The following DACH1 variants were observed in gnomAD, a reference collection of about 807,000 sequenced individuals.
The protein encoded by DACH1 is dachshund homolog 1.
DACH1 carries 12 observed loss-of-function variants against 54.2 expected under a neutral mutation model. The ratio of observed to expected loss-of-function variants is 0.22; its 90% CI spans 0.14 to 0.36. DACH1 has a LOEUF of 0.36. DACH1 is among the 10% of genes least tolerant of loss of function. The pLI is 1.00. For synonymous variants in DACH1, 386 were observed against 366.2 expected, an observed-to-expected ratio of 1.05 and a Z score of -0.62; for missense variants, 805 against 929.8, an observed-to-expected ratio of 0.87 and a Z score of 1.75.
At chr13:71,462,769 A>C (rs1323527630) in intron 10 of DACH1, among the ~76,000 whole-genome samples, 3 of 151,918 alleles carry the variant, frequency 2.0e-5, no homozygotes, top group Admixed American at 6.6e-5. Flanking sequence ...CCAAAACATC[A>C]AACAGTGTAA....
intron 10 of DACH1, among the ~76,000 whole-genome samples, chr13:71,452,382 C>T (rs1762964723): frequency 6.6e-6 from 1 of 152,138 alleles, no homozygotes; most frequent in Non-Finnish European, 1.5e-5. Flanking sequence ...CCTGCCTCTG[C>T]TTCCCAAACT....
chr13:71,712,354 T>C (rs1882760153), intron 1 of DACH1, among the ~76,000 whole-genome samples: 2 of 152,060 alleles, frequency 1.3e-5, no homozygotes. Flanking sequence ...AATGATTATG[T>C]CTGGGGTATA....
chr13:71,531,672 A>G (rs1440776118), intron 6 of DACH1, among the ~76,000 whole-genome samples: 2 of 152,048 alleles, frequency 1.3e-5, no homozygotes, highest in Non-Finnish European at 2.9e-5. Flanking sequence ...CCCAATACAC[A>G]TCTGTGGAGA....
intron 1 of DACH1, among the ~76,000 whole-genome samples, chr13:71,815,778 T>TTG (rs1887890979): frequency 6.6e-6 from 1 of 152,184 alleles, no homozygotes; most frequent in Non-Finnish European, 1.5e-5. Flanking sequence ...GTTAACATTT[T>TTG]TGTCAGGTCT....
intron 1 of DACH1, among the ~76,000 whole-genome samples, chr13:71,805,636 C>A (rs1361786588): frequency 2.0e-5 from 3 of 152,064 alleles, no homozygotes; most frequent in Admixed American, 1.3e-4. Context: ...AAATATAGAA[C>A]TGAAATGCAC....
chr13:71,763,531 C>T (rs1885488610), intron 1 of DACH1, among the ~76,000 whole-genome samples: 1 of 114,046 alleles, frequency 8.8e-6, no homozygotes, highest in South Asian at 3.1e-4. Context: ...AAAGCTCTTC[C>T]CTGATTTTTT....
At chr13:71,461,271 C>G (rs1001769357) in intron 10 of DACH1, among the ~76,000 whole-genome samples, 3 of 151,966 alleles carry the variant, frequency 2.0e-5, no homozygotes, top group Non-Finnish European at 2.9e-5. Flanking sequence ...AGATGGCCCT[C>G]AAAATATTAT....
At chr13:71,862,147 C>A (rs966326459) in intron 1 of DACH1, among the ~76,000 whole-genome samples, 1 of 151,842 alleles carries the variant, frequency 6.6e-6, no homozygotes, top group Non-Finnish European at 1.5e-5. Flanking sequence ...TACTTAGAAC[C>A]TACATCACAA....
At chr13:71,779,620 G>GCT (rs1743761289) in intron 1 of DACH1, among the ~76,000 whole-genome samples, 3 of 152,000 alleles carry the variant, frequency 2.0e-5, no homozygotes, top group South Asian at 2.1e-4. Context: ...CATATTGGAA[G>GCT]CTCAAGTGGT....
At chr13:71,516,553 TA>T (rs1028609149) in intron 6 of DACH1, among the ~76,000 whole-genome samples, 4 of 151,898 alleles carry the variant, frequency 2.6e-5, no homozygotes, top group African/African-American at 9.7e-5. Context: ...TCCCCCACCT[TA>T]AAACACATAT....
At chr13:71,844,544 T>G (rs1389002079) in intron 1 of DACH1, among the ~76,000 whole-genome samples, 1 of 152,226 alleles carries the variant, frequency 6.6e-6, no homozygotes, top group Admixed American at 6.5e-5. Flanking sequence ...ATACTTTTTT[T>G]GTTTTTGATT....
At chr13:71,671,500 G>C (rs183708198) in intron 2 of DACH1, among the ~76,000 whole-genome samples, 2 of 152,042 alleles carry the variant, frequency 1.3e-5, no homozygotes, top group Admixed American at 1.3e-4. Context: ...TGTCATGTTT[G>C]GGAGAAAAAT....
intron 6 of DACH1, among the ~76,000 whole-genome samples, chr13:71,525,376 C>G (rs767402589): frequency 1.3e-5 from 2 of 152,026 alleles, no homozygotes; most frequent in African/African-American, 4.8e-5. Flanking sequence ...ACTGACATTT[C>G]TTTTTGTGAT....
At chr13:71,737,694 A>G (rs1884200704) in intron 1 of DACH1, among the ~76,000 whole-genome samples, 1 of 152,220 alleles carries the variant, frequency 6.6e-6, no homozygotes. Flanking sequence ...TCTGTGGGCA[A>G]GGAAATCATT....
chr13:71,492,981 G>A (rs1326743709), intron 6 of DACH1, among the ~76,000 whole-genome samples: 1 of 150,546 alleles, frequency 6.6e-6, no homozygotes, highest in African/African-American at 2.4e-5. Flanking sequence ...GTTTACGGTA[G>A]TTACATAACA....
intron 1 of DACH1, among the ~76,000 whole-genome samples, chr13:71,722,973 T>C (rs1281078118): frequency 6.6e-6 from 1 of 152,178 alleles, no homozygotes; most frequent in Non-Finnish European, 1.5e-5. Context: ...TGTAAAGGAA[T>C]GACTCAGTAC....
intron 1 of DACH1, among the ~76,000 whole-genome samples, chr13:71,775,972 A>G (rs1886045336): frequency 6.6e-6 from 1 of 152,152 alleles, no homozygotes; most frequent in Non-Finnish European, 1.5e-5. Context: ...AAGCAGTATA[A>G]GAATTAAAAA....
chr13:71,568,392 T>C (rs914692645), intron 4 of DACH1, among the ~76,000 whole-genome samples: 7 of 151,922 alleles, frequency 4.6e-5, no homozygotes, highest in Admixed American at 3.9e-4. Flanking sequence ...AATTCACTTC[T>C]AGAGTATGGT....
intron 1 of DACH1, among the ~76,000 whole-genome samples, chr13:71,786,224 T>G (rs562119356): frequency 1.3e-5 from 2 of 152,326 alleles, no homozygotes; most frequent in Non-Finnish European, 2.9e-5. Context: ...TACAATTAGC[T>G]TATGCACATG....
Sources: gnomAD v4.1 joint callset for allele counts (sites outside exome capture counted in the v4.1 genomes callset) on GRCh38, gnomAD v4.1.1 for gene constraint, MANE v1.5 for transcripts, NCBI Gene and HGNC (gene_info 2026-07-23, HGNC 2026-07-21) for gene names.